The following ERI3 variants were observed in gnomAD, a reference collection of about 807,000 sequenced individuals.
ERI3 encodes the protein ERI1 exoribonuclease 3.
ERI3 carries 18 observed loss-of-function variants against 44.4 expected under a neutral mutation model. The observed-to-expected ratio is 0.41, with a 90% CI of 0.28 to 0.60. ERI3 has a LOEUF of 0.60. Among genes scored for constraint, ERI3 ranks in the 20% least tolerant of loss-of-function variants. ERI3 has a pLI of 0.36. For synonymous variants in ERI3, 183 were observed against 164.8 expected, an observed-to-expected ratio of 1.11 and a Z score of -0.84; for missense variants, 294 against 435.5, an observed-to-expected ratio of 0.68 and a Z score of 2.89.
chr1:44,226,612 C>G (rs1319614651), intron 8 of ERI3, among the ~76,000 whole-genome samples: 1 of 151,886 alleles, frequency 6.6e-6, no homozygotes, highest in Non-Finnish European at 1.5e-5. Context: ...TAGGACAGCA[C>G]AGGGGGAGCA....
chr1:44,258,672 G>A (rs60803160), intron 7 of ERI3, among the ~76,000 whole-genome samples: 4 of 152,124 alleles, frequency 2.6e-5, no homozygotes, highest in Admixed American at 2.0e-4. Flanking sequence ...GGACCCACAC[G>A]GCCTTCAGTG....
At chr1:44,274,353 G>A (rs912232697) in intron 7 of ERI3, among the ~76,000 whole-genome samples, 5 of 152,182 alleles carry the variant, frequency 3.3e-5, no homozygotes, top group African/African-American at 1.2e-4. Context: ...CCGATGCAGT[G>A]AGACATTTTA....
At chr1:44,353,090 A>G in intron 1 of ERI3, 165 bp from the exon 2 acceptor site, 13 of 985,414 alleles carry the variant, frequency 1.3e-5, no homozygotes, top group Non-Finnish European at 1.6e-5. Flanking sequence ...TTAGTACTAC[A>G]TTTGTAATGA....
intron 2 of ERI3, among the ~76,000 whole-genome samples, chr1:44,339,983 C>T (rs1397467421): frequency 6.6e-6 from 1 of 152,204 alleles, no homozygotes; most frequent in Admixed American, 6.5e-5. Context: ...GAGAGCACAG[C>T]TGGCTGCAGC....
At chr1:44,277,243 A>C (rs1174536475) in intron 7 of ERI3, among the ~76,000 whole-genome samples, 3 of 152,222 alleles carry the variant, frequency 2.0e-5, no homozygotes, top group Non-Finnish European at 4.4e-5. Flanking sequence ...CCTTCCGCCT[A>C]AAGAGAGCCA....
intron 3 of ERI3, among the ~76,000 whole-genome samples, chr1:44,335,320 A>G (rs4660788): frequency 0.047 from 7,066 of 151,316 alleles, 188 homozygotes; most frequent in African/African-American, 0.064. Flanking sequence ...CACACACTGC[A>G]CTCCAGCCTG....
At chr1:44,330,752 A>T (rs1646411097) in intron 3 of ERI3, among the ~76,000 whole-genome samples, 1 of 152,180 alleles carries the variant, frequency 6.6e-6, no homozygotes, top group South Asian at 2.1e-4. Flanking sequence ...AAATGTAAGA[A>T]TGTGGGGGTT....
intron 8 of ERI3, among the ~76,000 whole-genome samples, chr1:44,222,042 C>T (rs757766900): frequency 6.6e-6 from 1 of 152,254 alleles, no homozygotes; most frequent in Non-Finnish European, 1.5e-5. Context: ...TCCGTCTTCC[C>T]GCCACCCGCC....
At chr1:44,335,383 A>C (rs544631279) in intron 3 of ERI3, among the ~76,000 whole-genome samples, 5 of 151,770 alleles carry the variant, frequency 3.3e-5, no homozygotes, top group Admixed American at 1.3e-4. Context: ...AAAAAACAGA[A>C]AAGGGAGCTG....
chr1:44,351,612 T>C (rs1347150652), intron 2 of ERI3, among the ~76,000 whole-genome samples: 1 of 152,180 alleles, frequency 6.6e-6, no homozygotes, highest in Non-Finnish European at 1.5e-5. Context: ...TCTTATCCAT[T>C]ACAGAAAAAA....
chr1:44,279,432 C>T (rs2154322770), intron 7 of ERI3, among the ~76,000 whole-genome samples: 1 of 152,182 alleles, frequency 6.6e-6, no homozygotes, highest in East Asian at 1.9e-4. Context: ...CACTATGTTG[C>T]TCAGGCTGGT....
At chr1:44,271,201 C>A (rs921891847) in intron 7 of ERI3, among the ~76,000 whole-genome samples, 6 of 152,200 alleles carry the variant, frequency 3.9e-5, no homozygotes, top group African/African-American at 1.4e-4. Flanking sequence ...TGCACATGCT[C>A]ACTCTCACTC....
chr1:44,335,652 G>A (rs1041523166), intron 3 of ERI3, among the ~76,000 whole-genome samples: 4 of 151,270 alleles, frequency 2.6e-5, no homozygotes, highest in Admixed American at 1.3e-4. Flanking sequence ...CTGGCTACTC[G>A]GGAAGCTGAG....
At chr1:44,349,483 A>G (rs764944097) in intron 2 of ERI3, among the ~76,000 whole-genome samples, 4 of 152,076 alleles carry the variant, frequency 2.6e-5, no homozygotes, top group Non-Finnish European at 4.4e-5. Flanking sequence ...CTAAATGAAC[A>G]CCCATTGTCT....
intron 3 of ERI3, among the ~76,000 whole-genome samples, chr1:44,335,670 A>G (rs907000067): frequency 2.0e-5 from 3 of 150,218 alleles, no homozygotes; most frequent in Non-Finnish European, 3.0e-5. Context: ...GAGGCAGGAA[A>G]ATTGCTTGAG....
chr1:44,328,144 T>C (rs1467685926), intron 3 of ERI3, among the ~76,000 whole-genome samples: 1 of 152,130 alleles, frequency 6.6e-6, no homozygotes. Flanking sequence ...GCCAGGAAGG[T>C]AAACAGTTGT....
intron 7 of ERI3, among the ~76,000 whole-genome samples, chr1:44,277,146 A>G (rs1026390490): frequency 6.6e-6 from 1 of 152,218 alleles, no homozygotes; most frequent in Admixed American, 6.5e-5. Context: ...AACTACCTCA[A>G]CCTGCTGCCA....
intron 2 of ERI3, 33 bp from the exon 3 acceptor site, chr1:44,339,355 AAAAG>A (rs1327878586): frequency 3.2e-5 from 47 of 1,481,464 alleles, no homozygotes; most frequent in Admixed American, 2.3e-4. Context: ...AAAAAAAAAA[AAAAG>A]AAAAGAAAGA....
chr1:44,235,604 C>T lies in ERI3; in HGVS notation c.931+12335G>A, dbSNP rs1042061689. Among the ~76,000 whole-genome samples, 6 of 152,204 alleles carry T rather than the reference C, an allele frequency of 3.9e-5. No homozygotes were observed. Among genetic ancestry groups the T allele is most frequent in the African/African-American group, 7.2e-5 (3 of 41,452 alleles). ...AGATCACACGCAAACCTACTCCAGC[C>T]CTGACATTTGCCACCCAAAGCCTTG... On this transcript the variant is annotated intron_variant, in intron 8 of 8. Coordinates refer to ENST00000372257, the MANE Select transcript of ERI3 (RefSeq NM_024066.3). The surrounding 1 kb of genome is among the most constrained non-coding windows in gnomAD (Gnocchi z 4.6).
Sources: gnomAD v4.1 joint callset for allele counts (sites outside exome capture counted in the v4.1 genomes callset) on GRCh38, gnomAD v4.1.1 for gene constraint, Gnocchi (gnomAD v3.1) non-coding constraint, MANE v1.5 for transcripts, NCBI Gene and HGNC (gene_info 2026-07-23, HGNC 2026-07-21) for gene names.